Variants in ABCD3 observed in about 807,000 individuals in gnomAD.
ABCD3 encodes the protein ATP binding cassette subfamily D member 3, also known as ATP-binding cassette sub-family D member 3.
ABCD3 carries 41 observed loss-of-function variants against 105.5 expected under a neutral mutation model. That is an observed-to-expected ratio of 0.39 (90% CI 0.30 to 0.50). The LOEUF (loss-of-function observed/expected upper bound fraction) is 0.50, where lower values mean the gene tolerates loss of function less well. Ranked by LOEUF, ABCD3 falls within the 20% of genes least tolerant of loss-of-function variation. The pLI is 0.84. For missense variants in ABCD3, 622 were observed against 806.3 expected, an observed-to-expected ratio of 0.77 and a Z score of 2.77; for synonymous variants, 258 against 269.0, an observed-to-expected ratio of 0.96 and a Z score of 0.40.
intron 1 of ABCD3, among the ~76,000 whole-genome samples, chr1:94,422,491 G>T (rs1311409296): frequency 6.6e-6 from 1 of 152,166 alleles, no homozygotes; most frequent in Non-Finnish European, 1.5e-5. Flanking sequence ...GTGCCAAAAA[G>T]GTTGGAGACT....
Position 94,518,416 on chromosome 1 carries a change from G to A in ABCD3, c.*1287G>A, listed in dbSNP as rs1229208025. On this transcript the variant is annotated 3_prime_UTR_variant, in exon 23 of 23. Coordinates refer to ENST00000370214, the MANE Select transcript of ABCD3 (RefSeq NM_002858.4). Reference sequence around the variant, plus strand: ...TCACTGGCTACCGAAGTAAACTGATGTACTGAATTCCATAATACATAACAT... The same window carrying A: ...TCACTGGCTACCGAAGTAAACTGATATACTGAATTCCATAATACATAACAT... 1 of 149,676 alleles carries A rather than the reference G, an allele frequency of 6.7e-6. No individual in the cohort carries two copies. Among genetic ancestry groups the A allele is most frequent in the African/African-American group, 2.5e-5 (1 of 40,532 alleles). 9.3% of individuals were successfully genotyped at this position (149,676 alleles called of 1,614,324 possible). A position where few individuals can be genotyped will look rare whatever the true frequency, so the allele number is the denominator to read the frequency against.
intron 1 of ABCD3, chr1:94,455,668 A>T: frequency 2.2e-6 from 1 of 448,240 alleles, no homozygotes; most frequent in South Asian, 1.6e-5. Context: ...AATAGGACTT[A>T]TATGTAGATT....
At chr1:94,495,027 G>C (rs1024252569) in intron 16 of ABCD3, among the ~76,000 whole-genome samples, 6 of 152,268 alleles carry the variant, frequency 3.9e-5, no homozygotes, top group African/African-American at 1.4e-4. Context: ...GTTGCAGTGA[G>C]CGGAGATCGC....
chr1:94,476,102 A>G (rs1254918082), intron 7 of ABCD3, among the ~76,000 whole-genome samples: 1 of 152,220 alleles, frequency 6.6e-6, no homozygotes, highest in Admixed American at 6.5e-5. Flanking sequence ...ACACTAGACT[A>G]GGACTTCCTT....
chr1:94,444,033 C>T (rs547117095), intron 1 of ABCD3, among the ~76,000 whole-genome samples: 15 of 151,922 alleles, frequency 9.9e-5, no homozygotes, highest in African/African-American at 3.6e-4. Flanking sequence ...TTGCTTCTAT[C>T]TGTGTTTTTA....
At chr1:94,385,831 T>C in the ABCD3 span, among the ~76,000 whole-genome samples, 2 of 152,156 alleles carry the variant, frequency 1.3e-5, no homozygotes, top group Admixed American at 1.3e-4. Context: ...GAGATGCATA[T>C]AGATATATGT....
Position 94,517,157 on chromosome 1 carries a change from A to G in ABCD3, c.*28A>G, listed in dbSNP as rs562986927. On this transcript the variant is annotated 3_prime_UTR_variant, in exon 23 of 23. Coordinates refer to ENST00000370214, the MANE Select transcript of ABCD3 (RefSeq NM_002858.4). Reference sequence around the variant, plus strand: ...AAATCTGGAGAACTATACCTGCTTCAGTGAAATAATTACAGAATATACTTA... The same window carrying G: ...AAATCTGGAGAACTATACCTGCTTCGGTGAAATAATTACAGAATATACTTA... 4.7e-6 allele frequency: 7 copies of G among 1,504,284 alleles called. No homozygotes were observed. The highest frequency in any genetic ancestry group is 6.5e-6 in the Non-Finnish European group (7 of 1,080,818). The allele number at this position is 1,504,284 out of a possible 1,614,324, so 93.2% of individuals were successfully genotyped here.
In ABCD3 at chr1:94,518,111, G is replaced by A. The variant is rs1013532164; in HGVS notation, c.*982G>A. 3 of 151,994 alleles carry A rather than the reference G, an allele frequency of 2.0e-5. No homozygotes were observed. The highest frequency in any genetic ancestry group is 4.4e-5 in the Non-Finnish European group (3 of 67,796). 9.4% of individuals were successfully genotyped at this position (151,994 alleles called of 1,614,324 possible). On this transcript the variant is annotated 3_prime_UTR_variant, in exon 23 of 23. Transcript: ENST00000370214. ...TTCTAAAATTATTATATATACATGG[G>A]TGAATTATGTTTCCGAGGCACTGTT...
chr1:94,468,092 G>A, intron 4 of ABCD3, 85 bp downstream of exon 4: 1 of 979,362 alleles, frequency 1.0e-6, no homozygotes, highest in Non-Finnish European at 1.6e-6. Flanking sequence ...GCAACAAATA[G>A]ATTCTAAGTT....
chr1:94,472,335 C>T (rs1648494074), intron 4 of ABCD3: 2 of 361,638 alleles, frequency 5.5e-6, no homozygotes, highest in Non-Finnish European at 7.7e-6. Flanking sequence ...TTGGTTCAAA[C>T]AATTTTAACA....
chr1:94,451,072 T>A (rs1002570734), intron 1 of ABCD3, among the ~76,000 whole-genome samples: 3 of 152,220 alleles, frequency 2.0e-5, no homozygotes, highest in African/African-American at 7.2e-5. Context: ...TTTAGAAATT[T>A]CATTTGGTTT....
At chr1:94,507,205 T>C (rs1396598238) in intron 21 of ABCD3, among the ~76,000 whole-genome samples, 4 of 152,014 alleles carry the variant, frequency 2.6e-5, no homozygotes, top group African/African-American at 9.7e-5. Context: ...GTGTTCTCAT[T>C]GTTCAATTCC....
intron 1 of ABCD3, among the ~76,000 whole-genome samples, chr1:94,423,330 G>T (rs1452659297): frequency 1.3e-5 from 2 of 152,118 alleles, no homozygotes; most frequent in African/African-American, 4.8e-5. Flanking sequence ...TTATAATCTA[G>T]CTAGGTCTAC....
At chr1:94,469,044 T>TACA (rs1648310471) in intron 4 of ABCD3, among the ~76,000 whole-genome samples, 2 of 152,224 alleles carry the variant, frequency 1.3e-5, no homozygotes, top group Admixed American at 6.5e-5. Context: ...AAGTAATACA[T>TACA]GAACATAGCT....
chr1:94,480,034 G>C (rs1374470202), intron 8 of ABCD3, among the ~76,000 whole-genome samples: 1 of 151,974 alleles, frequency 6.6e-6, no homozygotes, highest in African/African-American at 2.4e-5. Flanking sequence ...GATAGGACTA[G>C]AGGTATAGAT....
upstream of ABCD3, chr1:94,418,341 C>G: frequency 1.7e-6 from 1 of 585,290 alleles, no homozygotes; most frequent in Non-Finnish European, 2.6e-6. Context: ...CGCGGCGGCG[C>G]GAGCCAGGGG....
chr1:94,478,725 A>G (rs562684132), intron 8 of ABCD3: 65 of 910,390 alleles, frequency 7.1e-5, no homozygotes, highest in Admixed American at 3.3e-4. Context: ...AACCATGAAT[A>G]TACTTGTACT....
chr1:94,458,176 T>G (rs1299566122), intron 1 of ABCD3, among the ~76,000 whole-genome samples: 2 of 152,212 alleles, frequency 1.3e-5, no homozygotes, highest in Non-Finnish European at 1.5e-5. Context: ...AGCCTAGGAT[T>G]GCTCACATGG....
chr1:94,441,776 C>T (rs1048264406), intron 1 of ABCD3, among the ~76,000 whole-genome samples: 1 of 151,910 alleles, frequency 6.6e-6, no homozygotes, highest in Non-Finnish European at 1.5e-5. Flanking sequence ...AAGGGAAAAT[C>T]AAATATGTTA....
Sources: gnomAD v4.1 joint callset for allele counts (sites outside exome capture counted in the v4.1 genomes callset) on GRCh38, gnomAD v4.1.1 for gene constraint, MANE v1.5 for transcripts, NCBI Gene and HGNC (gene_info 2026-07-23, HGNC 2026-07-21) for gene names.